HCRTR2: variants seen among roughly 807,000 people sequenced by gnomAD.
The protein encoded by HCRTR2 is hypocretin receptor 2.
Under a neutral mutation model 49.0 loss-of-function variants are expected in HCRTR2, and 22 were observed. The ratio of observed to expected loss-of-function variants is 0.45; its 90% CI spans 0.32 to 0.64. The LOEUF (loss-of-function observed/expected upper bound fraction) is 0.64. HCRTR2 is among the 30% of genes least tolerant of loss of function. The pLI is 0.04. For synonymous variants in HCRTR2, 236 were observed against 205.3 expected, an observed-to-expected ratio of 1.15 and a Z score of -1.28; for missense variants, 491 against 559.4, an observed-to-expected ratio of 0.88 and a Z score of 1.23.
chr6:55,277,636 T>G, intron 5 of HCRTR2, 36 bp downstream of exon 5: 1 of 1,411,114 alleles, frequency 7.1e-7, no homozygotes, highest in African/African-American at 1.4e-5. Context: ...TGAAATAGCC[T>G]GCCTTTTCTT....
intron 1 of HCRTR2, among the ~76,000 whole-genome samples, chr6:55,116,716 A>AG (rs1554165894): frequency 0.022 from 2,522 of 112,962 alleles, 91 homozygotes; most frequent in African/African-American, 0.083. Context: ...AGAGAGAGAG[A>AG]AAAAAAAAAA....
At chr6:55,145,866 T>G (rs1320618410) in intron 1 of HCRTR2, among the ~76,000 whole-genome samples, 1 of 152,060 alleles carries the variant, frequency 6.6e-6, no homozygotes, top group East Asian at 1.9e-4. Context: ...GAGCTCTCTT[T>G]CCCCATATAC....
chr6:55,214,678 A>G (rs932139192), intron 1 of HCRTR2, among the ~76,000 whole-genome samples: 6 of 152,018 alleles, frequency 3.9e-5, no homozygotes, highest in South Asian at 4.2e-4. Flanking sequence ...AAAAATTTCA[A>G]AATAGCAATT....
chr6:55,190,563 A>G (rs1439101411), intron 1 of HCRTR2, among the ~76,000 whole-genome samples: 1 of 152,218 alleles, frequency 6.6e-6, no homozygotes, highest in Non-Finnish European at 1.5e-5. Flanking sequence ...TTTATAACCA[A>G]TATTATCTTT....
chr6:55,215,055 A>G (rs1765763895), intron 1 of HCRTR2, among the ~76,000 whole-genome samples: 1 of 152,324 alleles, frequency 6.6e-6, no homozygotes, highest in African/African-American at 2.4e-5. Context: ...ATTATGAAAG[A>G]CAATAGATAT....
chr6:55,248,162 G>T (rs1766481639), intron 1 of HCRTR2, among the ~76,000 whole-genome samples: 1 of 152,096 alleles, frequency 6.6e-6, no homozygotes, highest in Non-Finnish European at 1.5e-5. Context: ...CTGAATAATT[G>T]TTAGCTCTTA....
At chr6:55,116,334 T>C (rs1353721836) in intron 1 of HCRTR2, among the ~76,000 whole-genome samples, 1 of 151,808 alleles carries the variant, frequency 6.6e-6, no homozygotes, top group Non-Finnish European at 1.5e-5. Flanking sequence ...TTAGTCTGCA[T>C]AATCTTGAAA....
chr6:55,143,653 A>T (rs189722684), intron 1 of HCRTR2, among the ~76,000 whole-genome samples: 3 of 152,190 alleles, frequency 2.0e-5, no homozygotes, highest in African/African-American at 7.2e-5. Context: ...CATTATGCCA[A>T]CTCTTTCCAA....
intron 1 of HCRTR2, among the ~76,000 whole-genome samples, chr6:55,198,640 TGGAATCAG>T (rs747515970): frequency 1.3e-5 from 2 of 152,206 alleles, no homozygotes; most frequent in Non-Finnish European, 2.9e-5. Context: ...AATAGTGGTG[TGGAATCAG>T]GGTCTTTGAA....
chr6:55,235,301 T>C (rs1766193891), intron 1 of HCRTR2, among the ~76,000 whole-genome samples: 1 of 152,072 alleles, frequency 6.6e-6, no homozygotes, highest in Non-Finnish European at 1.5e-5. Flanking sequence ...TGATACATGA[T>C]GGTTTGTACA....
intron 2 of HCRTR2, 96 bp downstream of exon 2, chr6:55,248,913 A>G: frequency 3.8e-6 from 4 of 1,046,382 alleles, no homozygotes; most frequent in Admixed American, 3.5e-5. Flanking sequence ...TGAGAAATAT[A>G]TTTGCCTAAG....
At chr6:55,268,716 C>T (rs188869695) in intron 4 of HCRTR2, among the ~76,000 whole-genome samples, 1 of 151,860 alleles carries the variant, frequency 6.6e-6, no homozygotes, top group African/African-American at 2.4e-5. Flanking sequence ...ATATACCAAG[C>T]AAAAAGTAGT....
chr6:55,121,662 T>C (rs1764201518), intron 1 of HCRTR2, among the ~76,000 whole-genome samples: 1 of 152,176 alleles, frequency 6.6e-6, no homozygotes, highest in Non-Finnish European at 1.5e-5. Context: ...TGAGAATTTT[T>C]AGCATGAAAG....
intron 1 of HCRTR2, among the ~76,000 whole-genome samples, chr6:55,108,177 G>A (rs1000921142): frequency 1.3e-5 from 2 of 151,980 alleles, no homozygotes; most frequent in Non-Finnish European, 2.9e-5. Flanking sequence ...TATTCTGAAG[G>A]CAACTTTTTT....
chr6:55,277,478 C>A lies in HCRTR2; in HGVS notation c.861C>A (p.Ser287Arg). ...GPGQPTKSRM[S>R]AVAAEIKQIR... ...GACAGCCAACGAAGTCCCGGATGAG[C>A]GCTGTGGCGGCTGAAATAAAGCAGA... is the stretch of plus-strand genomic sequence containing the variant. Residue 287 changes from serine (S) to arginine (R), a missense_variant, in exon 5 of 7, where the codon AGC becomes AGA. Coordinates refer to ENST00000370862, the MANE Select transcript of HCRTR2 (RefSeq NM_001384272.1). The A allele has an allele frequency of 1.2e-6, 2 of 1,614,044 alleles. No individual in the cohort carries two copies. Among genetic ancestry groups the A allele is most frequent in the Non-Finnish European group, 1.7e-6 (2 of 1,179,954 alleles).
At chr6:55,227,403 C>A (rs1034164552) in intron 1 of HCRTR2, among the ~76,000 whole-genome samples, 1 of 152,132 alleles carries the variant, frequency 6.6e-6, no homozygotes, top group African/African-American at 2.4e-5. Context: ...CTATCCAATT[C>A]TATTTCTTTT....
rs1764370452 is a variant in HCRTR2, at chr6:55,132,414, G to T, written c.-378+25869G>T. Among the ~76,000 whole-genome samples, 5 of 151,854 alleles carry T rather than the reference G, an allele frequency of 3.3e-5. No homozygotes were observed. In the South Asian group the frequency reaches 1.0e-3, roughly 31 times the overall value. On this transcript the variant is annotated intron_variant, in intron 1 of 7. Coordinates refer to the HCRTR2 transcript ENST00000615358. The stretch of plus-strand genomic sequence containing the variant: ...TCTGGGCAAAGTGGAAAAGAATGTA[G>T]TTATTGATTATCTATATGTGCCAGG...
intron 1 of HCRTR2, among the ~76,000 whole-genome samples, chr6:55,184,458 A>G (rs60550710): frequency 0.34 from 51,980 of 152,070 alleles, 9,193 homozygotes; most frequent in Admixed American, 0.42. Flanking sequence ...CAAAATATTA[A>G]AAATTTGAGA....
At chr6:55,232,390 T>A (rs1766132705) in intron 1 of HCRTR2, among the ~76,000 whole-genome samples, 3 of 152,214 alleles carry the variant, frequency 2.0e-5, no homozygotes, top group Admixed American at 2.0e-4. Context: ...TGTTGTCCAA[T>A]AGAGCCAAGT....
Sources: allele counts gnomAD v4.1 joint callset (sites outside exome capture counted in the v4.1 genomes callset), GRCh38; gene constraint gnomAD v4.1.1; transcripts MANE v1.5; gene names NCBI Gene and HGNC (gene_info 2026-07-23, HGNC 2026-07-21).